The following OPHN1 variants were observed in gnomAD, a reference collection of about 807,000 sequenced individuals.
OPHN1 encodes oligophrenin 1, also known as oligophrenin-1.
OPHN1 carries 11 observed loss-of-function variants against 60.7 expected under a neutral mutation model. The ratio of observed to expected loss-of-function variants is 0.18; its 90% CI spans 0.11 to 0.30. The LOEUF is 0.30. Among genes scored for constraint, OPHN1 ranks in the 10% least tolerant of loss-of-function variants. The probability of loss-of-function intolerance (pLI) is 1.00; values close to 1 mark genes in which losing one functional copy is unlikely to be tolerated. For missense variants in OPHN1, 449 were observed against 611.0 expected (o/e 0.73, Z 2.80); for synonymous variants, 226 against 222.6 (o/e 1.02, Z -0.14).
chrX:68,317,093 G>A (rs1200976616), intron 2 of OPHN1, among the ~76,000 whole-genome samples: 1 of 108,799 alleles, frequency 9.2e-6, no homozygotes, highest in African/African-American at 3.3e-5. Context: ...GAGCCCAGGA[G>A]CTCGAGAAAG....
chrX:68,196,319 G>C (rs2077512648), intron 12 of OPHN1, among the ~76,000 whole-genome samples: 1 of 112,127 alleles, frequency 8.9e-6, no homozygotes, highest in African/African-American at 3.2e-5. Context: ...AGATCGGCTA[G>C]CACATTGTGG....
Position 68,324,482 on chromosome X carries a change from C to T in OPHN1, c.155-25386G>A, listed in dbSNP as rs1413649429. On this transcript the variant is annotated intron_variant, in intron 2 of 24. Coordinates refer to ENST00000355520, the MANE Select transcript of OPHN1 (RefSeq NM_002547.3). ...AAAAATAGCCAGGTATGGTGGTGCG[C>T]GCTGTAGTCCCAGCTACTCCAGAGG... Among the ~76,000 whole-genome samples, 9 of 105,504 alleles carry T rather than the reference C, an allele frequency of 8.5e-5. 1 individual carries two copies. The highest frequency in any genetic ancestry group is 4.4e-4 in the South Asian group (1 of 2,296). 91.6% of individuals were successfully genotyped at this position (105,504 alleles called of 115,157 possible).
chrX:68,156,188 T>C (rs1048391859), intron 15 of OPHN1, among the ~76,000 whole-genome samples: 2 of 110,442 alleles, frequency 1.8e-5, no homozygotes, highest in East Asian at 5.7e-4. Context: ...GCCTAAAGCA[T>C]TGTTTCTTAA....
intron 10 of OPHN1, among the ~76,000 whole-genome samples, chrX:68,204,593 C>T (rs1358589230): frequency 8.9e-6 from 1 of 111,832 alleles, no homozygotes; most frequent in Non-Finnish European, 1.9e-5. Context: ...AAACAGAGAA[C>T]TGACAGGAAG....
chrX:68,127,456 A>T (rs1053796238), intron 15 of OPHN1, among the ~76,000 whole-genome samples: 1 of 112,020 alleles, frequency 8.9e-6, no homozygotes, highest in African/African-American at 3.2e-5. Flanking sequence ...CAAATAATGA[A>T]CAGGTTGACA....
chrX:68,181,513 G>T (rs2077436654), intron 15 of OPHN1, among the ~76,000 whole-genome samples: 1 of 111,044 alleles, frequency 9.0e-6, no homozygotes, highest in South Asian at 3.8e-4. Flanking sequence ...GCAACCCTAG[G>T]TTTTTCACCT....
chrX:68,119,184 G>A (rs1396573314), intron 16 of OPHN1, 64 bp downstream of exon 16: 23 of 833,091 alleles, frequency 2.8e-5, no homozygotes, highest in Non-Finnish European at 3.8e-5. Context: ...CGTTAACTCC[G>A]CTCAACACCC....
intron 3 of OPHN1, among the ~76,000 whole-genome samples, chrX:68,296,911 T>A (rs1429787977): frequency 9.0e-6 from 1 of 111,237 alleles, no homozygotes; most frequent in Non-Finnish European, 1.9e-5. Context: ...CTTTTGTTTA[T>A]AAGTCATTTT....
At chrX:68,208,079 ATTCTTTCT>A (rs200822323) in intron 9 of OPHN1, among the ~76,000 whole-genome samples, 4 of 47,882 alleles carry the variant, frequency 8.4e-5, no homozygotes, top group African/African-American at 1.6e-4. Context: ...TCTTTCTTTC[ATTCTTTCT>A]TTCTTTCTTT....
chrX:68,161,774 A>G (rs2077335426), intron 15 of OPHN1, among the ~76,000 whole-genome samples: 1 of 111,381 alleles, frequency 9.0e-6, no homozygotes, highest in East Asian at 2.8e-4. Context: ...GAAGTATGGC[A>G]GCATTACTTA....
In OPHN1 at chrX:68,249,390, C is replaced by G. The variant is rs770814318; in HGVS notation, c.385-14802G>C. ...AGTCTAAGGGTAATGAGCTTTGCAC[C>G]ATTCCTTGAGAATCTCCTATAGATG... On this transcript the variant is annotated intron_variant, in intron 5 of 24. Transcript: ENST00000355520. Among the ~76,000 whole-genome samples the G allele has an allele frequency of 6.2e-5, 7 of 112,011 alleles. No homozygotes were observed. The South Asian group carries it at 2.6e-3, about 42-fold the overall frequency.
At chrX:68,114,250 C>A (rs896745411) in intron 16 of OPHN1, among the ~76,000 whole-genome samples, 2 of 111,129 alleles carry the variant, frequency 1.8e-5, no homozygotes, top group Admixed American at 9.6e-5. Flanking sequence ...CATGTATTAA[C>A]CCATTTAAAC....
intron 18 of OPHN1, among the ~76,000 whole-genome samples, chrX:68,097,423 T>C (rs1407639570): frequency 9.0e-6 from 1 of 110,866 alleles, no homozygotes; most frequent in Non-Finnish European, 1.9e-5. Flanking sequence ...AGAGAATGCC[T>C]ACTAGTCTCT....
intron 15 of OPHN1, among the ~76,000 whole-genome samples, chrX:68,169,309 T>C (rs1046803022): frequency 9.0e-6 from 1 of 111,601 alleles, no homozygotes; most frequent in African/African-American, 3.3e-5. Context: ...GAACATTCCA[T>C]GCTCATGGGT....
intron 15 of OPHN1, among the ~76,000 whole-genome samples, chrX:68,147,230 G>T (rs2077267595): frequency 9.0e-6 from 1 of 111,461 alleles, no homozygotes. Context: ...GTCATTCAAG[G>T]AGATCCCCAA....
At chrX:68,140,450 A>G (rs2077237645) in intron 15 of OPHN1, among the ~76,000 whole-genome samples, 1 of 111,790 alleles carries the variant, frequency 8.9e-6, no homozygotes, top group Non-Finnish European at 1.9e-5. Flanking sequence ...CATATCCAAT[A>G]AAGATTTAAC....
At chrX:68,098,248 T>C (rs903322990) in intron 18 of OPHN1, among the ~76,000 whole-genome samples, 2 of 111,969 alleles carry the variant, frequency 1.8e-5, no homozygotes, top group Non-Finnish European at 3.8e-5. Flanking sequence ...ATTTTCCGTT[T>C]ACTTATCTGC....
intron 15 of OPHN1, among the ~76,000 whole-genome samples, chrX:68,130,541 G>A (rs1434709337): frequency 9.0e-6 from 1 of 111,395 alleles, no homozygotes; most frequent in Non-Finnish European, 1.9e-5. Flanking sequence ...TTGTATCATA[G>A]TATATAGCCA....
At chrX:68,087,139 T>C (rs1298703121) in intron 19 of OPHN1, among the ~76,000 whole-genome samples, 1 of 112,505 alleles carries the variant, frequency 8.9e-6, no homozygotes, top group East Asian at 2.8e-4. Context: ...TCATGGTCTC[T>C]GATAGTGACT....
Sources: gnomAD v4.1 joint callset for allele counts (sites outside exome capture counted in the v4.1 genomes callset) on GRCh38, gnomAD v4.1.1 for gene constraint, MANE v1.5 for transcripts, NCBI Gene and HGNC (gene_info 2026-07-23, HGNC 2026-07-21) for gene names.